ALX3: variants seen among roughly 807,000 people sequenced by gnomAD.
ALX3 encodes the protein homeobox protein aristaless-like 3.
Under a neutral mutation model 26.3 loss-of-function variants are expected in ALX3, and 17 were observed. That is an observed-to-expected ratio of 0.65 (90% CI 0.44 to 0.97). The LOEUF (loss-of-function observed/expected upper bound fraction) is 0.97, where lower values mean the gene tolerates loss of function less well. Among genes scored for constraint, ALX3 ranks in the 50% least tolerant of loss-of-function variants. The probability of loss-of-function intolerance (pLI) is 0.00; values close to 1 mark genes in which losing one functional copy is unlikely to be tolerated. For synonymous variants in ALX3, 208 were observed against 201.4 expected, an observed-to-expected ratio of 1.03 and a Z score of -0.28; for missense variants, 461 against 466.5, an observed-to-expected ratio of 0.99 and a Z score of 0.11.
At position 110,070,657 on chromosome 1, in the gene ALX3, T is replaced by TGCCCGCGCC; in HGVS notation, c.-54_-46dup. The TGCCCGCGCC allele has an allele frequency of 8.6e-7, 1 of 1,159,754 alleles. No homozygotes were observed. Among genetic ancestry groups the TGCCCGCGCC allele is most frequent in the Non-Finnish European group, 1.1e-6 (1 of 945,790 alleles). The allele number at this position is 1,159,754 out of a possible 1,614,324, so 71.8% of individuals were successfully genotyped here. On this transcript the variant is annotated 5_prime_UTR_variant, in exon 1 of 4. Coordinates refer to ENST00000647563, the MANE Select transcript of ALX3 (RefSeq NM_006492.3). The stretch of plus-strand genomic sequence containing the variant: ...GCCTCCGGGGCTCCGGGGCTCGCGC[T>TGCCCGCGCC]GCCCGCGCCGCCTGTGAGCGCCCGC...
intron 2 of ALX3, chr1:110,062,023 A>C: frequency 5.9e-6 from 1 of 170,286 alleles, no homozygotes; most frequent in Non-Finnish European, 1.3e-5. Flanking sequence ...ACCCTCAGTG[A>C]CTCCCTGGAG....
chr1:110,064,816 T>C lies in ALX3; in HGVS notation c.365A>G (p.Gln122Arg), dbSNP rs111275942. The part of the protein sequence containing the change: ...GGPRDGPSNL[Q>R]GSPGPCLASL... Reference sequence around the variant, plus strand: ...GGCCAGGCAGGGGCCTGGGGAGCCTTGCAAGTTAGAGGGCCCGTCTCTGGG... The same window carrying C: ...GGCCAGGCAGGGGCCTGGGGAGCCTCGCAAGTTAGAGGGCCCGTCTCTGGG... Residue 122 changes from glutamine to arginine, a missense_variant, in exon 2 of 4, where the codon CAA becomes CGA. Physicochemically the swap from Gln to Arg is conservative, Grantham distance 43. Transcript: ENST00000647563. The C allele has an allele frequency of 6.2e-7, 1 of 1,613,810 alleles. No individual in the cohort carries two copies. Among genetic ancestry groups the C allele is most frequent in the Middle Eastern group, 1.6e-4 (1 of 6,062 alleles).
chr1:110,060,890 G>C lies in ALX3; in HGVS notation c.875C>G (p.Ala292Gly), dbSNP rs145253023. 1 of 1,613,652 alleles carries C rather than the reference G, an allele frequency of 6.2e-7. No homozygotes were observed. The highest frequency in any genetic ancestry group is 1.3e-5 in the African/African-American group (1 of 74,898). ...GATGGAGTAGATGCCAGGGTGAGCCGCAGAAGGGGCTGGCACCCCCATGAA... is the reference window on the plus strand; with the variant it reads ...GATGGAGTAGATGCCAGGGTGAGCCCCAGAAGGGGCTGGCACCCCCATGAA... ...AGFMGVPAPS[A>G]AHPGIYSIHG... Residue 292 changes from alanine (A) to glycine (G), a missense_variant, in exon 4 of 4, where the codon GCG (alanine) becomes GGG (glycine). By Grantham distance (60) the Ala-to-Gly change is moderately conservative. Coordinates refer to ENST00000647563, the MANE Select transcript of ALX3 (RefSeq NM_006492.3).
chr1:110,065,165 CG>C lies in ALX3; in HGVS notation c.278-263del, dbSNP rs762146709. Among the ~76,000 whole-genome samples, 179 of 152,214 alleles carry C rather than the reference CG, an allele frequency of 1.2e-3. 2 individuals carry two copies. Among genetic ancestry groups the C allele is most frequent in the Non-Finnish European group, 2.0e-3 (137 of 68,000 alleles). ...GCTGGGGCCAGAGTGGGGTTCATTT[CG>C]GGGAAGTGCTCTGTGGTGGTGCGTT... On this transcript the variant is annotated intron_variant, in intron 1 of 3. Coordinates refer to ENST00000647563, the MANE Select transcript of ALX3 (RefSeq NM_006492.3).
rs140818662 is a variant in ALX3, at chr1:110,068,768, C to G, written c.277+1568G>C. 2.6e-3 allele frequency among the ~76,000 whole-genome samples: 401 copies of G among 152,204 alleles called. 2 individuals carry two copies. The highest frequency in any genetic ancestry group is 0.011 in the South Asian group (55 of 4,804). The stretch of plus-strand genomic sequence containing the variant: ...TACCCTCTCGTTCTCGCCGCGCTCT[C>G]CGTTGTTTTGTTCAATTTCCCTTCC... On this transcript the variant is annotated intron_variant, in intron 1 of 3. Coordinates refer to ENST00000647563, the MANE Select transcript of ALX3 (RefSeq NM_006492.3).
chr1:110,068,722 C>A (rs969882417), intron 1 of ALX3, among the ~76,000 whole-genome samples: 1 of 152,106 alleles, frequency 6.6e-6, no homozygotes, highest in Non-Finnish European at 1.5e-5. Context: ...TTTAGTTCAT[C>A]CCAGCTCGCC....
chr1:110,060,725 G>T lies in ALX3; in HGVS notation c.*8C>A, dbSNP rs748712400. On this transcript the variant is annotated 3_prime_UTR_variant, in exon 4 of 4. Transcript: ENST00000647563. ...TGGGCAGCTCATTCTGCAGGTCCAT[G>T]CAACCGATCACGTGGTCCAGTTCAG... The T allele has an allele frequency of 2.8e-6, 4 of 1,439,620 alleles. No homozygotes were observed. The South Asian group carries it at 6.9e-5, about 25-fold the overall frequency. The allele number at this position is 1,439,620 out of a possible 1,614,324, so 89.2% of individuals were successfully genotyped here.
intron 2 of ALX3, among the ~76,000 whole-genome samples, chr1:110,064,259 G>C (rs1445256859): frequency 6.6e-6 from 1 of 152,148 alleles, no homozygotes; most frequent in African/African-American, 2.4e-5. Context: ...CCCTTTTCCT[G>C]AACTGGGAAA....
intron 1 of ALX3, among the ~76,000 whole-genome samples, chr1:110,068,012 G>A (rs986381506): frequency 2.2e-4 from 4 of 17,910 alleles, no homozygotes; most frequent in Non-Finnish European, 3.5e-4. Context: ...AGCCAAACTC[G>A]GGACAGACTA....
Position 110,070,345 on chromosome 1 carries a change from G to C in ALX3, c.268C>G (p.Pro90Ala), listed in dbSNP as rs760085972. 3 of 1,291,150 alleles carry C rather than the reference G, an allele frequency of 2.3e-6. No homozygotes were observed. In the African/African-American group the frequency reaches 4.5e-5, roughly 20 times the overall value. The allele number at this position is 1,291,150 out of a possible 1,614,324, so 80.0% of individuals were successfully genotyped here. Residue 90 changes from proline (P) to alanine (A), a missense_variant, in exon 1 of 4, where the codon CCC becomes GCC. Physicochemically the swap from Pro to Ala is conservative, Grantham distance 27. This residue lies in a region of ALX3 where 241 missense variants were observed against 206.1 expected (regional missense o/e 1.17). Transcript: ENST00000647563. ...ALNGGHFYEG[P>A]AEAEEKTSKA... ...CCGCGCCGCGCGTTACCTTCCGCGG[G>C]GCCCTCGTAGAAGTGGCCGCCGTTG... is the stretch of plus-strand genomic sequence containing the variant.
intron 1 of ALX3, among the ~76,000 whole-genome samples, chr1:110,066,415 G>A (rs552191185): frequency 1.3e-5 from 2 of 152,328 alleles, no homozygotes; most frequent in Middle Eastern, 3.4e-3. Flanking sequence ...TGGAGCACAG[G>A]GGAGAAAGTG....
chr1:110,064,350 C>T (rs1653726140), intron 2 of ALX3, among the ~76,000 whole-genome samples: 1 of 152,224 alleles, frequency 6.6e-6, no homozygotes, highest in Non-Finnish European at 1.5e-5. Flanking sequence ...CAGGTGATGG[C>T]TTCCAGAGGC....
At chr1:110,065,068 G>A (rs1167240388) in intron 1 of ALX3, among the ~76,000 whole-genome samples, 165 bp from the exon 2 acceptor site, 2 of 152,154 alleles carry the variant, frequency 1.3e-5, no homozygotes, top group Non-Finnish European at 2.9e-5. Flanking sequence ...GGCATTTAGA[G>A]GCCTGCCTGC....
At chr1:110,061,756 C>T in intron 2 of ALX3, 193 bp from the exon 3 acceptor site, 1 of 856,286 alleles carries the variant, frequency 1.2e-6, no homozygotes, top group Non-Finnish European at 1.7e-6. Flanking sequence ...GGCCCAAGCC[C>T]ACAGTGGGTA....
intron 2 of ALX3, among the ~76,000 whole-genome samples, 170 bp downstream of exon 2, chr1:110,064,417 C>T (rs1653727379): frequency 6.6e-6 from 1 of 152,328 alleles, no homozygotes; most frequent in East Asian, 1.9e-4. Context: ...CCTGTGGCTG[C>T]AGCAGAGCTG....
chr1:110,060,666 G>GTGCTTCCTCCGTGGTGTCCAGGCAGGGC lies in ALX3; in HGVS notation c.*66_*67insGCCCTGCCTGGACACCACGGAGGAAGCA. 1 of 1,519,246 alleles carries GTGCTTCCTCCGTGGTGTCCAGGCAGGGC rather than the reference G, an allele frequency of 6.6e-7. No individual in the cohort carries two copies. The highest frequency in any genetic ancestry group is 8.9e-7 in the Non-Finnish European group (1 of 1,123,416). 94.1% of individuals were successfully genotyped at this position (1,519,246 alleles called of 1,614,324 possible). A position where few individuals can be genotyped will look rare whatever the true frequency, so the allele number is the denominator to read the frequency against. ...AACCATCTGGGGCTTGGAGGCAGAGGTGGGCTGGGAGCGACTGGGAATGGA... is the reference window on the plus strand; with the variant it reads ...AACCATCTGGGGCTTGGAGGCAGAGGTGCTTCCTCCGTGGTGTCCAGGCAGGGCTGGGCTGGGAGCGACTGGGAATGGA... On this transcript the variant is annotated 3_prime_UTR_variant, in exon 4 of 4. Transcript: ENST00000647563.
rs375790592 is a variant in ALX3 at position 110,070,458 on chromosome 1, G to A, written c.155C>T (p.Pro52Leu). ...PPRGPRLTRF[P>L]ACGPLEPYLP... ...GTAGGGCTCCAGGGGCCCGCAGGCC[G>A]GAAAGCGGGTCAGCCGCGGGCCGCG... The change falls in exon 1 of 4, where the codon CCG (proline) becomes CTG (leucine). Residue 52 changes from proline to leucine, a missense_variant. Physicochemically the swap from Pro to Leu is moderately conservative, Grantham distance 98 (BLOSUM62 -3). Around this residue, in one of 3 missense-constraint regions of ALX3, gnomAD observed 241 missense variants for 206.1 expected, o/e 1.17. Transcript: ENST00000647563. 1.6e-3 allele frequency: 1,950 copies of A among 1,257,528 alleles called. 5 individuals carry two copies. The highest frequency in any genetic ancestry group is 1.8e-3 in the Non-Finnish European group (1,795 of 1,001,760). 77.9% of individuals were successfully genotyped at this position (1,257,528 alleles called of 1,614,324 possible).
chr1:110,061,713 A>G, intron 2 of ALX3, 150 bp from the exon 3 acceptor site: 1 of 1,256,518 alleles, frequency 8.0e-7, no homozygotes, highest in Non-Finnish European at 1.1e-6. Context: ...ACTGTTCTCC[A>G]GGCCAGGGAA....
At chr1:110,061,855 G>T (rs1372971903) in intron 2 of ALX3, 1 of 470,132 alleles carries the variant, frequency 2.1e-6, no homozygotes, top group South Asian at 2.4e-5. Context: ...GTGTTGTGGG[G>T]GCATCTGTGG....
Sources: allele counts gnomAD v4.1 joint callset (sites outside exome capture counted in the v4.1 genomes callset), GRCh38; gene constraint gnomAD v4.1.1; regional missense constraint gnomAD v4.1.1; transcripts MANE v1.5; gene names NCBI Gene and HGNC (gene_info 2026-07-23, HGNC 2026-07-21).